The following DNAAF9 variants were observed in gnomAD, a reference collection of about 807,000 sequenced individuals.
DNAAF9 encodes the protein dynein axonemal assembly factor 9.
A neutral mutation model predicts 167.0 loss-of-function variants in DNAAF9; 90 were observed. The observed-to-expected ratio is 0.54, with a 90% CI of 0.45 to 0.64. The LOEUF is 0.64. Among genes scored for constraint, DNAAF9 ranks in the 30% least tolerant of loss-of-function variants. The pLI is 0.00. For synonymous variants in DNAAF9, 491 were observed against 508.8 expected (o/e 0.96, Z 0.47); for missense variants, 1,315 against 1,442.2 (o/e 0.91, Z 1.43).
rs769035892 is a variant in DNAAF9 at position 3,315,740 on chromosome 20, C to A, written c.1585G>T (p.Val529Leu). ...AGAATAAGAAGGCTGCTTACCCTCACTGCTTGCTGGGTTTTCTCAGACAAT... is the reference window on the plus strand; with the variant it reads ...AGAATAAGAAGGCTGCTTACCCTCAATGCTTGCTGGGTTTTCTCAGACAAT... ...VKLSEKTQQA[V>L]RGDESFLGTY... The change falls in exon 19 of 37, where the codon GTG becomes TTG. Residue 529 changes from valine (V) to leucine (L), a missense_variant. Transcript: ENST00000252032. This position sits in a 1 kb window ranked among gnomAD's most constrained non-coding sequence, Gnocchi z 4.1. The A allele has an allele frequency of 3.7e-6, 6 of 1,612,916 alleles. No individual in the cohort carries two copies. In the Admixed American group the frequency reaches 1.0e-4, roughly 27 times the overall value.
At chr20:3,255,319 C>A in intron 34 of DNAAF9, 35 bp from the exon 35 acceptor site, 1 of 1,404,796 alleles carries the variant, frequency 7.1e-7, no homozygotes, top group Non-Finnish European at 9.9e-7. Context: ...CAGGTCCCAG[C>A]AGAACTCATG....
At chr20:3,336,832 C>T (rs1313348570) in intron 10 of DNAAF9, among the ~76,000 whole-genome samples, 1 of 151,776 alleles carries the variant, frequency 6.6e-6, no homozygotes, top group East Asian at 1.9e-4. Flanking sequence ...TGTAAGCCAC[C>T]GCGCCTGGTC....
intron 33 of DNAAF9, 80 bp from the exon 34 acceptor site, chr20:3,256,291 G>T: frequency 1.0e-6 from 1 of 1,002,272 alleles, no homozygotes; most frequent in Non-Finnish European, 1.6e-6. Flanking sequence ...CAATGCAGAT[G>T]GTTGGGATAG....
At chr20:3,335,993 C>T (rs543494573) in intron 10 of DNAAF9, among the ~76,000 whole-genome samples, 7 of 150,918 alleles carry the variant, frequency 4.6e-5, no homozygotes, top group Admixed American at 2.0e-4. Context: ...CATGGTGGTG[C>T]GCACTTGTAG....
At chr20:3,313,496 G>T (rs1045976437) in intron 20 of DNAAF9, among the ~76,000 whole-genome samples, 5 of 152,166 alleles carry the variant, frequency 3.3e-5, no homozygotes, top group Admixed American at 1.3e-4. Context: ...AGAGGTTGAG[G>T]AATTTGTAGA....
intron 1 of DNAAF9, among the ~76,000 whole-genome samples, chr20:3,399,225 T>C (rs767889700): frequency 6.6e-6 from 1 of 152,166 alleles, no homozygotes; most frequent in Non-Finnish European, 1.5e-5. Flanking sequence ...TTATTTTTTA[T>C]TTTATTTTTT....
At chr20:3,314,194 G>C (rs1402454556) in intron 20 of DNAAF9, among the ~76,000 whole-genome samples, 1 of 152,110 alleles carries the variant, frequency 6.6e-6, no homozygotes, top group Admixed American at 6.5e-5. Flanking sequence ...AGATGAGCTT[G>C]ATCATGAGAT....
intron 29 of DNAAF9, among the ~76,000 whole-genome samples, chr20:3,274,733 C>T (rs905292657): frequency 6.6e-5 from 10 of 152,204 alleles, no homozygotes; most frequent in Non-Finnish European, 1.3e-4. Flanking sequence ...CTACCACCAT[C>T]AGCACTGTCA....
chr20:3,315,025 C>T lies in DNAAF9; in HGVS notation c.1678+8G>A. On this transcript the variant is annotated splice_region_variant and intron_variant, in intron 20 of 36. Coordinates refer to ENST00000252032, the MANE Select transcript of DNAAF9 (RefSeq NM_001009984.3). The surrounding 1 kb of genome is among the most constrained non-coding windows in gnomAD (Gnocchi z 4.1). ...ATGGCCAAAAACATTAAAGTCATAG[C>T]TCCTTACCTTCCTCAGGCCAGGACT... 1 of 1,563,252 alleles carries T rather than the reference C, an allele frequency of 6.4e-7. No individual in the cohort carries two copies. The highest frequency in any genetic ancestry group is 1.1e-5 in the South Asian group (1 of 89,830).
At chr20:3,325,661 C>T (rs1157357535) in intron 13 of DNAAF9, among the ~76,000 whole-genome samples, 1 of 152,204 alleles carries the variant, frequency 6.6e-6, no homozygotes, top group Non-Finnish European at 1.5e-5. Flanking sequence ...CTTCTCATCT[C>T]CTTACTGGGT....
chr20:3,341,610 C>G (rs971757130), intron 9 of DNAAF9, among the ~76,000 whole-genome samples: 1 of 152,168 alleles, frequency 6.6e-6, no homozygotes, highest in South Asian at 2.1e-4. Context: ...TCTAATTAAC[C>G]TTCTCAAAAG....
At chr20:3,305,243 C>G (rs1389702393) in intron 20 of DNAAF9, among the ~76,000 whole-genome samples, 2 of 152,132 alleles carry the variant, frequency 1.3e-5, no homozygotes, top group Non-Finnish European at 2.9e-5. Flanking sequence ...AGATGGACAA[C>G]TAAGATGACA....
At position 3,350,156 on chromosome 20, in the gene DNAAF9, G is replaced by GACACACACACACACACAC. The variant is rs35251429; in HGVS notation, c.691-1551_691-1534dup. Among the ~76,000 whole-genome samples, 739 of 89,904 alleles carry GACACACACACACACACAC rather than the reference G, an allele frequency of 8.2e-3. 6 individuals carry two copies. The highest frequency in any genetic ancestry group is 0.011 in the Non-Finnish European group (455 of 42,244). The allele number at this position is 89,904 out of a possible 152,430, so 59.0% of individuals were successfully genotyped here. ...AGACACACAGACACACAGACACACAGACACACACACACACACACACACACA... is the reference window on the plus strand; with the variant it reads ...AGACACACAGACACACAGACACACAGACACACACACACACACACACACACACACACACACACACACACA... On this transcript the variant is annotated intron_variant, in intron 7 of 36. Transcript: ENST00000252032.
At chr20:3,344,590 T>TACACACACACACACACAC (rs4053351) in intron 8 of DNAAF9, among the ~76,000 whole-genome samples, 1 of 144,524 alleles carries the variant, frequency 6.9e-6, no homozygotes, top group Non-Finnish European at 1.5e-5. Flanking sequence ...TACACACACA[T>TACACACACACACACACAC]ACACACACAC....
chr20:3,256,334 G>A, intron 33 of DNAAF9, 123 bp from the exon 34 acceptor site: 1 of 717,660 alleles, frequency 1.4e-6, no homozygotes, highest in Non-Finnish European at 2.4e-6. Flanking sequence ...CAGAACTGAT[G>A]TGACTGGTGG....
At chr20:3,292,002 C>CTT (rs869291982) in intron 25 of DNAAF9, among the ~76,000 whole-genome samples, 4 of 143,906 alleles carry the variant, frequency 2.8e-5, no homozygotes, top group Non-Finnish European at 3.1e-5. Context: ...CCAAGAGCAC[C>CTT]TTTTTTTTTT....
At chr20:3,345,132 C>T (rs879667210) in intron 8 of DNAAF9, among the ~76,000 whole-genome samples, 1 of 152,126 alleles carries the variant, frequency 6.6e-6, no homozygotes, top group Non-Finnish European at 1.5e-5. Context: ...AATTCTCCTG[C>T]CTTAGCCTCC....
chr20:3,325,091 C>A (rs1473013761), intron 13 of DNAAF9, 123 bp from the exon 14 acceptor site: 2 of 692,286 alleles, frequency 2.9e-6, no homozygotes, highest in African/African-American at 1.8e-5. Context: ...GTGTCCTTCC[C>A]ATCTATGTGA....
intron 1 of DNAAF9, among the ~76,000 whole-genome samples, chr20:3,399,965 C>T (rs1463448504): frequency 6.6e-6 from 1 of 152,178 alleles, no homozygotes; most frequent in Non-Finnish European, 1.5e-5. Flanking sequence ...ATGTCTACAC[C>T]TATTTCATGA....
Sources: allele counts gnomAD v4.1 joint callset (sites outside exome capture counted in the v4.1 genomes callset), GRCh38; gene constraint gnomAD v4.1.1; non-coding constraint Gnocchi (gnomAD v3.1); transcripts MANE v1.5; gene names NCBI Gene and HGNC (gene_info 2026-07-23, HGNC 2026-07-21).